TNPO3: variants seen among roughly 807,000 people sequenced by gnomAD.
TNPO3 encodes transportin 3.
TNPO3 carries 65 observed loss-of-function variants against 122.8 expected under a neutral mutation model. That is an observed-to-expected ratio of 0.53 (90% CI 0.43 to 0.65). The LOEUF (loss-of-function observed/expected upper bound fraction) is 0.65. Among genes scored for constraint, TNPO3 ranks in the 30% least tolerant of loss-of-function variants. TNPO3 has a pLI of 0.00. For missense variants in TNPO3, 850 were observed against 1,136.7 expected (o/e 0.75, Z 3.63); for synonymous variants, 372 against 411.2 (o/e 0.90, Z 1.15).
At chr7:129,018,945 C>CT (rs1338916587) in intron 1 of TNPO3, among the ~76,000 whole-genome samples, 3 of 152,178 alleles carry the variant, frequency 2.0e-5, no homozygotes, top group Non-Finnish European at 4.4e-5. Context: ...TCTTGAACTC[C>CT]TGACCTCAGG....
chr7:128,989,376 C>A (rs140728754), intron 11 of TNPO3, among the ~76,000 whole-genome samples: 2 of 152,118 alleles, frequency 1.3e-5, no homozygotes, highest in African/African-American at 2.4e-5. Flanking sequence ...AAAGTCATTT[C>A]GTCTCTTTGG....
chr7:129,000,191 C>T (rs990762186), intron 7 of TNPO3, among the ~76,000 whole-genome samples: 11 of 152,108 alleles, frequency 7.2e-5, no homozygotes, highest in Non-Finnish European at 8.8e-5. Context: ...TGCTTTCTAA[C>T]GAGTTCCTTG....
At chr7:129,048,017 T>C (rs1207945154) in intron 1 of TNPO3, among the ~76,000 whole-genome samples, 2 of 152,152 alleles carry the variant, frequency 1.3e-5, no homozygotes, top group Non-Finnish European at 2.9e-5. Context: ...GCCCAGGGGC[T>C]TGAGACCAGC....
chr7:129,036,242 C>T (rs959918505), intron 1 of TNPO3, among the ~76,000 whole-genome samples: 12 of 152,146 alleles, frequency 7.9e-5, no homozygotes, highest in East Asian at 1.9e-4. Flanking sequence ...CGTTAGCCAC[C>T]GCACCCAGCT....
At chr7:129,042,427 T>C (rs1807494064) in intron 1 of TNPO3, among the ~76,000 whole-genome samples, 1 of 152,188 alleles carries the variant, frequency 6.6e-6, no homozygotes, top group African/African-American at 2.4e-5. Context: ...ATTTTAGATA[T>C]ATGCCCTGCA....
chr7:129,026,895 TG>T (rs1447196519), intron 1 of TNPO3, among the ~76,000 whole-genome samples: 9 of 151,984 alleles, frequency 5.9e-5, no homozygotes, highest in African/African-American at 2.2e-4. Context: ...TGGGCTCAAG[TG>T]ATCTGCCTAC....
intron 18 of TNPO3, among the ~76,000 whole-genome samples, 170 bp downstream of exon 18, chr7:128,974,698 C>T (rs896666815): frequency 6.6e-6 from 1 of 152,138 alleles, no homozygotes; most frequent in African/African-American, 2.4e-5. Context: ...CAATACTCTG[C>T]GTCACTGCTG....
chr7:128,970,438 C>CTG (rs1011300493), intron 19 of TNPO3, 123 bp from the exon 20 acceptor site: 33 of 825,482 alleles, frequency 4.0e-5, no homozygotes, highest in Middle Eastern at 2.4e-4. Flanking sequence ...GCACGCGTGG[C>CTG]TGTGTGTGTG....
At chr7:129,002,563 T>C (rs1284442835) in intron 5 of TNPO3, among the ~76,000 whole-genome samples, 4 of 152,218 alleles carry the variant, frequency 2.6e-5, no homozygotes, top group African/African-American at 9.6e-5. Context: ...AAATTATTTA[T>C]TAGGTATTCT....
intron 4 of TNPO3, among the ~76,000 whole-genome samples, chr7:129,013,761 G>A (rs1803496214): frequency 6.6e-6 from 1 of 152,110 alleles, no homozygotes; most frequent in Non-Finnish European, 1.5e-5. Context: ...AATGGTATAG[G>A]TGCACAATGA....
chr7:129,055,959 G>A (rs1242615425), upstream of TNPO3: 18 of 699,250 alleles, frequency 2.6e-5, 1 homozygote, highest in Admixed American at 1.6e-4. Flanking sequence ...ACCTTGCCAA[G>A]TATTAATAAA....
At chr7:129,013,434 C>CAAA (rs3993440) in intron 4 of TNPO3, among the ~76,000 whole-genome samples, 378 of 127,726 alleles carry the variant, frequency 3.0e-3, no homozygotes, top group Admixed American at 6.0e-3. Flanking sequence ...CAAATAATAG[C>CAAA]AAAAAAAAAA....
chr7:128,960,220 CACAA>C (rs1405604813), intron 21 of TNPO3, among the ~76,000 whole-genome samples: 2 of 151,940 alleles, frequency 1.3e-5, no homozygotes, highest in Non-Finnish European at 2.9e-5. Context: ...AAAAGGACAA[CACAA>C]ACAATTATCT....
At chr7:129,020,863 T>C (rs933975601) in intron 1 of TNPO3, among the ~76,000 whole-genome samples, 1 of 152,168 alleles carries the variant, frequency 6.6e-6, no homozygotes, top group African/African-American at 2.4e-5. Flanking sequence ...TCCAAGGGTA[T>C]CTACAAGAAC....
chr7:128,979,106 G>C lies in TNPO3; in HGVS notation c.1938C>G (p.Ser646=). The change falls in exon 16 of 23, where the codon TCC becomes TCG. Residue 646 remains serine, a synonymous_variant. Transcript: ENST00000265388. ...KVIQEIWPVL[S]ETLNKHRADN... ...CAGCTCGGTGCTTATTTAGAGTCTC[G>C]GATAAAACTGGCCATATCTGGGTCA... is the stretch of plus-strand genomic sequence containing the variant. 1.2e-6 allele frequency: 2 copies of C among 1,613,990 alleles called. No individual in the cohort carries two copies. The highest frequency in any genetic ancestry group is 1.7e-6 in the Non-Finnish European group (2 of 1,179,934).
At chr7:128,958,311 T>A (rs1483806836) in intron 21 of TNPO3, among the ~76,000 whole-genome samples, 1 of 151,976 alleles carries the variant, frequency 6.6e-6, no homozygotes, top group Non-Finnish European at 1.5e-5. Flanking sequence ...GCCCGACTAT[T>A]TTTTTGTATT....
At chr7:129,044,740 A>G (rs902406186) in intron 1 of TNPO3, among the ~76,000 whole-genome samples, 12 of 152,224 alleles carry the variant, frequency 7.9e-5, no homozygotes, top group South Asian at 6.2e-4. Flanking sequence ...TAAGAAATAA[A>G]TTTGTTTTTA....
At chr7:129,045,099 C>T (rs749190386) in intron 1 of TNPO3, among the ~76,000 whole-genome samples, 1 of 152,104 alleles carries the variant, frequency 6.6e-6, no homozygotes, top group South Asian at 2.1e-4. Context: ...TAGCCCATCA[C>T]AAAAAGGCTA....
intron 13 of TNPO3, 145 bp from the exon 14 acceptor site, chr7:128,982,469 C>G: frequency 1.8e-6 from 1 of 566,356 alleles, no homozygotes; most frequent in Non-Finnish European, 2.9e-6. Flanking sequence ...AAAAGTTACT[C>G]AAATGGCGCA....
Sources: allele counts gnomAD v4.1 joint callset (sites outside exome capture counted in the v4.1 genomes callset), GRCh38; gene constraint gnomAD v4.1.1; transcripts MANE v1.5; gene names NCBI Gene and HGNC (gene_info 2026-07-23, HGNC 2026-07-21).